Variants in HERC1 observed in about 807,000 individuals in gnomAD.
HERC1 encodes the protein probable E3 ubiquitin-protein ligase HERC1.
A neutral mutation model predicts 554.3 loss-of-function variants in HERC1; 160 were observed. The observed-to-expected ratio is 0.29, with a 90% CI of 0.25 to 0.33. HERC1 has a LOEUF of 0.33. Among genes scored for constraint, HERC1 ranks in the 10% least tolerant of loss-of-function variants. The pLI is 1.00. For synonymous variants in HERC1, 2,175 were observed against 2,131.7 expected, an observed-to-expected ratio of 1.02 and a Z score of -0.56; for missense variants, 4,919 against 5,918.5, an observed-to-expected ratio of 0.83 and a Z score of 5.54.
Position 63,758,374 on chromosome 15 carries a change from T to C in HERC1, c.1027-5A>G. 6.4e-7 allele frequency: 1 copy of C among 1,564,986 alleles called. No homozygotes were observed. The highest frequency in any genetic ancestry group is 8.7e-7 in the Non-Finnish European group (1 of 1,143,334). Reference sequence around the variant, plus strand: ...ATCAGAAGCCATTCTGCAAACCTATTAAAAATTTAAAATATGCAACAAATA... The same window carrying C: ...ATCAGAAGCCATTCTGCAAACCTATCAAAAATTTAAAATATGCAACAAATA... On this transcript the variant is annotated splice_polypyrimidine_tract_variant and splice_region_variant and intron_variant, in intron 3 of 77. Coordinates refer to ENST00000443617, the MANE Select transcript of HERC1 (RefSeq NM_003922.4). This position sits in a 1 kb window ranked among gnomAD's most constrained non-coding sequence, Gnocchi z 4.0.
At position 63,826,798 on chromosome 15, in the gene HERC1, AAAAAAAAAAAAAAAAAATATATATAT is replaced by A. The variant is rs1291470583; in HGVS notation, c.-27+7003_-27+7028del. Among the ~76,000 whole-genome samples the A allele has an allele frequency of 1.7e-4, 8 of 48,146 alleles. 1 individual carries two copies. Among genetic ancestry groups the A allele is most frequent in the Admixed American group, 4.5e-4 (2 of 4,426 alleles). 31.6% of individuals were successfully genotyped at this position (48,146 alleles called of 152,430 possible). On this transcript the variant is annotated intron_variant, in intron 1 of 77. Coordinates refer to ENST00000443617, the MANE Select transcript of HERC1 (RefSeq NM_003922.4). ...CTTATCTCTGGTAAAAAAAAAAAAA[AAAAAAAAAAAAAAAAAATATATATAT>A]ATATATATATATATATATAAAGTAT...
At chr15:63,833,595 G>T (rs895559210) in intron 1 of HERC1, among the ~76,000 whole-genome samples, 4 of 152,088 alleles carry the variant, frequency 2.6e-5, no homozygotes, top group African/African-American at 9.6e-5. Flanking sequence ...GGCGGCAGGA[G>T]GCCTCTAGAG....
intron 8 of HERC1, among the ~76,000 whole-genome samples, chr15:63,750,910 C>T (rs575705439): frequency 6.6e-6 from 1 of 152,130 alleles, no homozygotes; most frequent in Admixed American, 6.5e-5. Flanking sequence ...GTACTCCAGC[C>T]TGAGCAAAAG....
intron 27 of HERC1, among the ~76,000 whole-genome samples, chr15:63,695,653 G>T (rs1425472866): frequency 3.3e-5 from 5 of 152,154 alleles, no homozygotes; most frequent in Non-Finnish European, 7.4e-5. Context: ...CTCCCAAAGT[G>T]CTGGGATTAT....
At chr15:63,762,621 A>T (rs2075648921) in intron 3 of HERC1, among the ~76,000 whole-genome samples, 1 of 152,142 alleles carries the variant, frequency 6.6e-6, no homozygotes, top group Non-Finnish European at 1.5e-5. Flanking sequence ...CACTGCACCC[A>T]GCCCATGATA....
rs1301923955 is a variant in HERC1 at position 63,690,662 on chromosome 15, A to C, written c.5831-15T>G. 1.4e-6 allele frequency: 2 copies of C among 1,437,906 alleles called. No individual in the cohort carries two copies. Among genetic ancestry groups the C allele is most frequent in the Non-Finnish European group, 1.9e-6 (2 of 1,034,474 alleles). 89.1% of individuals were successfully genotyped at this position (1,437,906 alleles called of 1,614,324 possible). A position where few individuals can be genotyped will look rare whatever the true frequency, so the allele number is the denominator to read the frequency against. Reference sequence around the variant, plus strand: ...CAGAGGGATACCTGGAGGGGAAAAGACCTTTTCTTATTATCAATGTGACTT... The same window carrying C: ...CAGAGGGATACCTGGAGGGGAAAAGCCCTTTTCTTATTATCAATGTGACTT... On this transcript the variant is annotated splice_polypyrimidine_tract_variant and intron_variant, in intron 31 of 77. Transcript: ENST00000443617.
intron 2 of HERC1, among the ~76,000 whole-genome samples, chr15:63,766,754 T>TATAA (rs2075792017): frequency 6.6e-6 from 1 of 152,206 alleles, no homozygotes; most frequent in Non-Finnish European, 1.5e-5. Flanking sequence ...CTCGGCTCAC[T>TATAA]ATAACCTCTA....
chr15:63,694,826 T>G lies in HERC1; in HGVS notation c.5190A>C (p.Gln1730His). 1 of 1,613,846 alleles carries G rather than the reference T, an allele frequency of 6.2e-7. No individual in the cohort carries two copies. The highest frequency in any genetic ancestry group is 1.1e-5 in the South Asian group (1 of 91,082). ...CTCTTTCCAGGGTAGCAGACAACTG[T>G]TGATAAATTTTATGCACAGCTACCT... ...EIQVAVHKIY[Q>H]QLSATLERAL... The change falls in exon 28 of 78, where the codon CAA (glutamine) becomes CAC (histidine). Residue 1730 changes from glutamine to histidine, a missense_variant. Gln to His is a conservative substitution (Grantham distance 24). Transcript: ENST00000443617. The surrounding 1 kb of genome is among the most constrained non-coding windows in gnomAD (Gnocchi z 4.3).
At chr15:63,704,313 T>C (rs1489341367) in intron 25 of HERC1, among the ~76,000 whole-genome samples, 1 of 152,250 alleles carries the variant, frequency 6.6e-6, no homozygotes, top group Admixed American at 6.5e-5. Context: ...GATTCTACTT[T>C]CTTTTATTCC....
intron 40 of HERC1, among the ~76,000 whole-genome samples, chr15:63,668,913 C>A (rs2070771175): frequency 6.6e-6 from 1 of 152,154 alleles, no homozygotes; most frequent in African/African-American, 2.4e-5. Flanking sequence ...ACAGTATCAA[C>A]CAATTTGAGC....
At chr15:63,672,784 T>A in intron 38 of HERC1, 90 bp from the exon 39 acceptor site, 1 of 794,262 alleles carries the variant, frequency 1.3e-6, no homozygotes. Flanking sequence ...CTGTTTAATT[T>A]AAAAGTTTCT....
At position 63,651,313 on chromosome 15, in the gene HERC1, T is replaced by C. The variant is rs759661530; in HGVS notation, c.10486A>G (p.Ile3496Val). 1 of 1,613,872 alleles carries C rather than the reference T, an allele frequency of 6.2e-7. No individual in the cohort carries two copies. Among genetic ancestry groups the C allele is most frequent in the South Asian group, 1.1e-5 (1 of 91,084 alleles). Reference protein sequence around the residue: ...DPSFSPVSWSISGKYLAGALE... With the variant: ...DPSFSPVSWSVSGKYLAGALE... ...GCGCCTGCTAGATATTTGCCACTGA[T>C]ACTCCAGGAAACTGGTGAGAAACTT... Residue 3496 changes from isoleucine (I) to valine (V), a missense_variant, in exon 53 of 78, where the codon ATC becomes GTC. Around this residue, in one of 11 missense-constraint regions of HERC1, gnomAD observed 1,963 missense variants for 2,228.6 expected, o/e 0.88. Coordinates refer to ENST00000443617, the MANE Select transcript of HERC1 (RefSeq NM_003922.4).
At chr15:63,738,623 G>A (rs909338495) in intron 12 of HERC1, among the ~76,000 whole-genome samples, 2 of 152,112 alleles carry the variant, frequency 1.3e-5, no homozygotes, top group African/African-American at 2.4e-5. Flanking sequence ...ACAAGAAACA[G>A]CAGCAATGTG....
chr15:63,747,999 G>T, intron 10 of HERC1, 141 bp from the exon 11 acceptor site: 1 of 740,128 alleles, frequency 1.4e-6, no homozygotes, highest in Non-Finnish European at 2.1e-6. Flanking sequence ...GCCAAGGAAT[G>T]CAGATTACCT....
intron 19 of HERC1, among the ~76,000 whole-genome samples, chr15:63,721,213 A>G (rs2073804050): frequency 6.6e-6 from 1 of 152,164 alleles, no homozygotes; most frequent in Non-Finnish European, 1.5e-5. Flanking sequence ...CAACAGAATG[A>G]ATGAATAAAT....
At chr15:63,625,474 AT>A (rs1161969296) in intron 71 of HERC1, among the ~76,000 whole-genome samples, 1 of 152,098 alleles carries the variant, frequency 6.6e-6, no homozygotes, top group Non-Finnish European at 1.5e-5. Context: ...GGGGGGGATC[AT>A]TTGAGGTCAG....
At chr15:63,759,274 G>A (rs2075530959) in intron 3 of HERC1, among the ~76,000 whole-genome samples, 1 of 152,072 alleles carries the variant, frequency 6.6e-6, no homozygotes, top group East Asian at 1.9e-4. Context: ...TAAAAACAGC[G>A]AAGGCACAAA....
chr15:63,713,902 T>G (rs1322507550), intron 22 of HERC1: 1 of 430,712 alleles, frequency 2.3e-6, no homozygotes, highest in Non-Finnish European at 4.2e-6. Context: ...TTACAGAATT[T>G]TAATGTAATC....
chr15:63,758,074 A>C lies in HERC1; in HGVS notation c.1221+101T>G, dbSNP rs2075490821. The C allele has an allele frequency of 8.3e-6, 7 of 838,416 alleles. No homozygotes were observed. The highest frequency in any genetic ancestry group is 1.3e-5 in the Non-Finnish European group (7 of 547,802). 51.9% of individuals were successfully genotyped at this position (838,416 alleles called of 1,614,324 possible). ...ATATAGACCAGAAATAACCATCGAT[A>C]ATTTTCACTCATTTAAAAAATACTC... On this transcript the variant is annotated intron_variant, in intron 4 of 77. Transcript: ENST00000443617. This position sits in a 1 kb window ranked among gnomAD's most constrained non-coding sequence, Gnocchi z 4.0.
Sources: allele counts gnomAD v4.1 joint callset (sites outside exome capture counted in the v4.1 genomes callset), GRCh38; gene constraint gnomAD v4.1.1; regional missense constraint gnomAD v4.1.1; non-coding constraint Gnocchi (gnomAD v3.1); transcripts MANE v1.5; gene names NCBI Gene and HGNC (gene_info 2026-07-23, HGNC 2026-07-21).